Variants in PPFIA2 observed in about 807,000 individuals in gnomAD.
PPFIA2 encodes liprin-alpha-2.
PPFIA2 carries 46 observed loss-of-function variants against 175.5 expected under a neutral mutation model. The ratio of observed to expected loss-of-function variants is 0.26; its 90% CI spans 0.21 to 0.34. PPFIA2 has a LOEUF of 0.34. PPFIA2 is among the 10% of genes least tolerant of loss of function. The probability of loss-of-function intolerance (pLI) is 1.00; values close to 1 mark genes in which losing one functional copy is unlikely to be tolerated. For synonymous variants in PPFIA2, 568 were observed against 511.4 expected (o/e 1.11, Z -1.49); for missense variants, 1,179 against 1,506.1 (o/e 0.78, Z 3.60).
chr12:81,622,113 C>A (rs1192402922), intron 4 of PPFIA2, among the ~76,000 whole-genome samples: 3 of 152,152 alleles, frequency 2.0e-5, no homozygotes, highest in Non-Finnish European at 4.4e-5. Context: ...AGGCTCCTGA[C>A]TGAAGCACAT....
intron 4 of PPFIA2, among the ~76,000 whole-genome samples, chr12:81,563,776 G>C (rs1276913387): frequency 6.6e-6 from 1 of 152,138 alleles, no homozygotes; most frequent in African/African-American, 2.4e-5. Context: ...GTATTTAAAA[G>C]ATATAAAGCC....
intron 22 of PPFIA2, among the ~76,000 whole-genome samples, chr12:81,323,076 G>T (rs751677992): frequency 6.6e-6 from 1 of 152,146 alleles, no homozygotes; most frequent in Non-Finnish European, 1.5e-5. Context: ...TGTCTTAAAT[G>T]CTGCTCTCTG....
intron 4 of PPFIA2, among the ~76,000 whole-genome samples, chr12:81,556,834 A>G (rs1025560192): frequency 1.4e-4 from 21 of 151,926 alleles, no homozygotes; most frequent in Middle Eastern, 3.2e-3. Context: ...ATAGAAGCTA[A>G]AATATAAGAT....
intron 4 of PPFIA2, among the ~76,000 whole-genome samples, chr12:81,645,286 A>C (rs538491178): frequency 6.6e-6 from 1 of 152,266 alleles, no homozygotes; most frequent in East Asian, 1.9e-4. Flanking sequence ...TATTTTTCAA[A>C]TATTATATTT....
chr12:81,321,361 T>A (rs1027694530), intron 22 of PPFIA2, among the ~76,000 whole-genome samples: 9 of 152,122 alleles, frequency 5.9e-5, no homozygotes, highest in Non-Finnish European at 1.0e-4. Context: ...AGAAATTTAA[T>A]GAGATATATA....
chr12:81,306,021 A>G (rs942133483), intron 22 of PPFIA2, among the ~76,000 whole-genome samples: 2 of 152,148 alleles, frequency 1.3e-5, no homozygotes, highest in African/African-American at 2.4e-5. Flanking sequence ...AATTTGTGGT[A>G]TGACTGTCCA....
At chr12:81,697,254 CT>C (rs2075999899) in intron 3 of PPFIA2, among the ~76,000 whole-genome samples, 1 of 152,014 alleles carries the variant, frequency 6.6e-6, no homozygotes, top group Non-Finnish European at 1.5e-5. Flanking sequence ...CTCAGTAAAT[CT>C]TTTTTAGGCC....
chr12:81,574,499 C>T (rs1000932609), intron 4 of PPFIA2, among the ~76,000 whole-genome samples: 3 of 151,714 alleles, frequency 2.0e-5, no homozygotes, highest in Non-Finnish European at 3.0e-5. Flanking sequence ...TATTTCTATG[C>T]CACTATGTTC....
chr12:81,608,993 C>T (rs1387843229), intron 4 of PPFIA2, among the ~76,000 whole-genome samples: 2 of 151,792 alleles, frequency 1.3e-5, no homozygotes, highest in Admixed American at 6.6e-5. Context: ...AAGTTTTATA[C>T]CTATTTTCAT....
chr12:81,718,665 G>A (rs1567989997), intron 3 of PPFIA2, among the ~76,000 whole-genome samples: 1 of 151,644 alleles, frequency 6.6e-6, no homozygotes, highest in African/African-American at 2.4e-5. Context: ...GTTCTAAAAT[G>A]TATGGAAAGT....
At chr12:81,705,083 TAAAAAAAAAAA>T (rs557079067) in intron 3 of PPFIA2, among the ~76,000 whole-genome samples, 20 of 32,372 alleles carry the variant, frequency 6.2e-4, no homozygotes, top group Admixed American at 6.0e-3. Context: ...AAACTCTGTC[TAAAAAAAAAAA>T]AAAAAAAAAA....
At chr12:81,597,043 G>A (rs17008753) in intron 4 of PPFIA2, among the ~76,000 whole-genome samples, 1,764 of 152,054 alleles carry the variant, frequency 0.012, 42 homozygotes, top group East Asian at 0.041. Context: ...TCTCTAGGCC[G>A]TTATACTTAT....
chr12:81,339,271 G>C lies in PPFIA2; in HGVS notation c.2457C>G (p.Asp819Glu). 6.2e-7 allele frequency: 1 copy of C among 1,610,770 alleles called. No individual in the cohort carries two copies. The highest frequency in any genetic ancestry group is 1.1e-5 in the South Asian group (1 of 90,614). The change falls in exon 21 of 33, where the codon GAC becomes GAG. Residue 819 changes from aspartate (D) to glutamate (E), a missense_variant. Physicochemically the swap from Asp to Glu is conservative, Grantham distance 45. Transcript: ENST00000549396. ...LGLGSANSSQ[D>E]SLHKAPKKKG... ...TCTTCTTGGGGGCTTTGTGAAGAGA[G>C]TCTTGGCTGCTGTTGGCACTACCAA... is the stretch of plus-strand genomic sequence containing the variant.
intron 4 of PPFIA2, among the ~76,000 whole-genome samples, chr12:81,530,547 T>C (rs568820048): frequency 1.3e-5 from 2 of 151,992 alleles, no homozygotes; most frequent in South Asian, 4.1e-4. Context: ...TGTTCAAGTT[T>C]ATTATTTTAA....
At chr12:81,574,748 C>A (rs2073202471) in intron 4 of PPFIA2, among the ~76,000 whole-genome samples, 1 of 151,360 alleles carries the variant, frequency 6.6e-6, no homozygotes, top group African/African-American at 2.4e-5. Context: ...GGCTTGCATG[C>A]AATTAGTCAC....
chr12:81,657,529 T>C (rs2067985433), intron 4 of PPFIA2, among the ~76,000 whole-genome samples: 2 of 152,108 alleles, frequency 1.3e-5, no homozygotes. Flanking sequence ...TCAACCCTAA[T>C]CTAACTGAGA....
chr12:81,518,505 A>G (rs1364996320), intron 4 of PPFIA2, among the ~76,000 whole-genome samples: 1 of 152,130 alleles, frequency 6.6e-6, no homozygotes, highest in Non-Finnish European at 1.5e-5. Context: ...CTAGCTATTC[A>G]TCTTAGATAG....
chr12:81,632,830 A>C (rs936350355), intron 4 of PPFIA2, among the ~76,000 whole-genome samples: 1 of 152,080 alleles, frequency 6.6e-6, no homozygotes, highest in African/African-American at 2.4e-5. Flanking sequence ...GGGGATTTAC[A>C]AGGCCATGGA....
intron 4 of PPFIA2, among the ~76,000 whole-genome samples, chr12:81,614,631 C>A (rs1388347983): frequency 6.6e-6 from 1 of 152,072 alleles, no homozygotes; most frequent in East Asian, 1.9e-4. Flanking sequence ...ACCTTGCTAG[C>A]AAATACAGTA....
Sources: gnomAD v4.1 joint callset for allele counts (sites outside exome capture counted in the v4.1 genomes callset) on GRCh38, gnomAD v4.1.1 for gene constraint, MANE v1.5 for transcripts, NCBI Gene and HGNC (gene_info 2026-07-23, HGNC 2026-07-21) for gene names.